The following SRGAP1 variants were observed in gnomAD, a reference collection of about 807,000 sequenced individuals.
SRGAP1 encodes SLIT-ROBO Rho GTPase activating protein 1.
In SRGAP1, 43 loss-of-function variants were observed where a neutral mutation model predicts 121.9. The ratio of observed to expected loss-of-function variants is 0.35; its 90% confidence interval spans 0.28 to 0.46. SRGAP1 has a LOEUF of 0.46. Ranked by LOEUF, SRGAP1 falls within the 20% of genes least tolerant of loss-of-function variation. The probability of loss-of-function intolerance (pLI) is 1.00; values close to 1 mark genes in which losing one functional copy is unlikely to be tolerated. For missense variants in SRGAP1, 1,102 were observed against 1,350.9 expected, an observed-to-expected ratio of 0.82 and a Z score of 2.89; for synonymous variants, 447 against 485.4, an observed-to-expected ratio of 0.92 and a Z score of 1.04.
intron 1 of SRGAP1, among the ~76,000 whole-genome samples, chr12:63,904,442 A>G (rs2030100492): frequency 6.6e-6 from 1 of 152,188 alleles, no homozygotes; most frequent in Admixed American, 6.5e-5. Context: ...CTTAGAGACT[A>G]TGAGATGGAA....
intron 8 of SRGAP1, among the ~76,000 whole-genome samples, chr12:64,072,543 G>A (rs920155647): frequency 3.9e-5 from 6 of 152,078 alleles, no homozygotes; most frequent in African/African-American, 1.4e-4. Context: ...GGGGAAATTT[G>A]GATACAGAGA....
At chr12:64,040,856 A>G (rs1444984467) in intron 4 of SRGAP1, among the ~76,000 whole-genome samples, 1 of 152,192 alleles carries the variant, frequency 6.6e-6, no homozygotes, top group African/African-American at 2.4e-5. Flanking sequence ...AATTGGCAAT[A>G]TATTACTAAG....
chr12:64,136,058 G>A (rs189838697), intron 21 of SRGAP1, among the ~76,000 whole-genome samples: 7 of 152,230 alleles, frequency 4.6e-5, no homozygotes, highest in Admixed American at 2.6e-4. Context: ...CTTTATATTC[G>A]CTGGCATCTG....
intron 3 of SRGAP1, among the ~76,000 whole-genome samples, chr12:64,010,766 T>G (rs1214813751): frequency 6.6e-6 from 1 of 151,978 alleles, no homozygotes; most frequent in African/African-American, 2.4e-5. Context: ...CAGAGATAAT[T>G]AGCAATTCTT....
chr12:64,139,881 T>C (rs1332726610), intron 21 of SRGAP1, among the ~76,000 whole-genome samples: 6 of 152,102 alleles, frequency 3.9e-5, no homozygotes, highest in African/African-American at 1.2e-4. Flanking sequence ...TTAGGTCTAA[T>C]GTTTAAGTCT....
intron 19 of SRGAP1, among the ~76,000 whole-genome samples, chr12:64,127,292 T>C (rs1046395311): frequency 3.9e-5 from 6 of 152,210 alleles, no homozygotes; most frequent in African/African-American, 1.4e-4. Flanking sequence ...AGGCATAGAA[T>C]AGAAGATGGA....
In SRGAP1 at chr12:64,146,751, A is replaced by C. The variant is rs2037058762; in HGVS notation, c.*4079A>C. On this transcript the variant is annotated 3_prime_UTR_variant, in exon 22 of 22. Coordinates refer to ENST00000355086, the MANE Select transcript of SRGAP1 (RefSeq NM_020762.4). ...CCCTACTCCAGACCACCTGCCACCC[A>C]CCTCCCAAGTTGAGAACACAAGCTC... The C allele has an allele frequency of 1.3e-5, 2 of 151,690 alleles. No individual in the cohort carries two copies. The highest frequency in any genetic ancestry group is 2.1e-4 in the South Asian group (1 of 4,786). 9.4% of individuals were successfully genotyped at this position (151,690 alleles called of 1,614,324 possible).
chr12:63,867,492 G>GT (rs1318946538), intron 1 of SRGAP1, among the ~76,000 whole-genome samples: 2 of 152,192 alleles, frequency 1.3e-5, no homozygotes, highest in African/African-American at 4.8e-5. Flanking sequence ...AGTCAACACA[G>GT]TATAGAGGTT....
intron 6 of SRGAP1, among the ~76,000 whole-genome samples, chr12:64,060,205 C>CTT (rs58447783): frequency 3.6e-4 from 44 of 121,440 alleles, no homozygotes; most frequent in East Asian, 2.3e-3. Context: ...TTCTTTTTTT[C>CTT]TTTTTTTTTT....
chr12:64,158,386 T>C lies in SRGAP1; in HGVS notation c.*15714T>C, dbSNP rs1222118371. On this transcript the variant is annotated 3_prime_UTR_variant, in exon 22 of 22. Transcript: ENST00000355086. The stretch of plus-strand genomic sequence containing the variant: ...AGTATATGAAAAGTTTAAGACCCAA[T>C]TGCTTTTGAAGGAGATTCATCTAGA... 6.6e-6 allele frequency: 1 copy of C among 152,208 alleles called. No homozygotes were observed. Among genetic ancestry groups the C allele is most frequent in the East Asian group, 1.9e-4 (1 of 5,204 alleles). The allele number at this position is 152,208 out of a possible 1,614,324, so 9.4% of individuals were successfully genotyped here.
chr12:63,965,360 A>G (rs1051654040), intron 1 of SRGAP1, among the ~76,000 whole-genome samples: 1 of 152,256 alleles, frequency 6.6e-6, no homozygotes, highest in African/African-American at 2.4e-5. Context: ...TTATTTTAAA[A>G]AGATATACAA....
intron 4 of SRGAP1, among the ~76,000 whole-genome samples, chr12:64,037,416 T>C (rs912132849): frequency 6.6e-6 from 1 of 152,200 alleles, no homozygotes; most frequent in East Asian, 1.9e-4. Context: ...TCTTCCTCCG[T>C]ACTAAATGAA....
intron 4 of SRGAP1, 90 bp from the exon 5 acceptor site, chr12:64,042,700 T>C (rs961384692): frequency 1.8e-5 from 17 of 931,810 alleles, no homozygotes; most frequent in Non-Finnish European, 2.6e-5. Context: ...GAAGGTGGTA[T>C]GTGTATCATA....
intron 4 of SRGAP1, among the ~76,000 whole-genome samples, chr12:64,026,319 A>G (rs1264912668): frequency 1.3e-5 from 2 of 152,222 alleles, no homozygotes; most frequent in Admixed American, 1.3e-4. Flanking sequence ...AGTAATAAAT[A>G]TATATGATAC....
rs569884743 is a variant in SRGAP1 at position 63,929,168 on chromosome 12, C to T, written c.68-54779C>T. On this transcript the variant is annotated intron_variant, in intron 1 of 21. Transcript: ENST00000355086. ...TTGGTCTTTACTGTAGGTAAATTAC[C>T]TCTGGGAGAATCAGGCTAGTGAGGT... 2.0e-5 allele frequency among the ~76,000 whole-genome samples: 3 copies of T among 152,292 alleles called. No individual in the cohort carries two copies. The South Asian group carries it at 6.2e-4, about 32-fold the overall frequency.
intron 2 of SRGAP1, among the ~76,000 whole-genome samples, chr12:63,984,495 A>C (rs758280894): frequency 5.9e-5 from 9 of 152,174 alleles, no homozygotes; most frequent in Non-Finnish European, 1.0e-4. Flanking sequence ...AAAGACCTCA[A>C]ATTTTCTCTA....
At chr12:63,939,465 A>G (rs182366530) in intron 1 of SRGAP1, among the ~76,000 whole-genome samples, 1 of 152,268 alleles carries the variant, frequency 6.6e-6, no homozygotes. Context: ...TAAAATACAA[A>G]AGAACAAAAA....
At chr12:63,927,506 T>C (rs1443195180) in intron 1 of SRGAP1, among the ~76,000 whole-genome samples, 2 of 152,192 alleles carry the variant, frequency 1.3e-5, no homozygotes, top group South Asian at 2.1e-4. Flanking sequence ...CACTTTCTCT[T>C]AACCCAGTCA....
chr12:63,875,277 GGT>G (rs142238376), intron 1 of SRGAP1, among the ~76,000 whole-genome samples: 1 of 150,972 alleles, frequency 6.6e-6, no homozygotes. Flanking sequence ...GTTATTGTTT[GGT>G]GTGTGTGTGT....
Sources: allele counts gnomAD v4.1 joint callset (sites outside exome capture counted in the v4.1 genomes callset), GRCh38; gene constraint gnomAD v4.1.1; transcripts MANE v1.5; gene names NCBI Gene and HGNC (gene_info 2026-07-23, HGNC 2026-07-21).